SLC19A1: variants seen among roughly 807,000 people sequenced by gnomAD.
SLC19A1 encodes solute carrier family 19 member 1, also known as reduced folate transporter.
In SLC19A1, 37 loss-of-function variants were observed where a neutral mutation model predicts 35.3. The ratio of observed to expected loss-of-function variants is 1.05; its 90% CI spans 0.81 to 1.38. The LOEUF is 1.38. Among genes scored for constraint, SLC19A1 ranks in the 40% most tolerant of loss-of-function variants. The probability of loss-of-function intolerance (pLI) is 0.00; values close to 1 mark genes in which losing one functional copy is unlikely to be tolerated. For synonymous variants in SLC19A1, 460 were observed against 398.5 expected (o/e 1.15, Z -1.84); for missense variants, 831 against 826.9 (o/e 1.00, Z -0.06).
chr21:45,509,474 C>T, downstream of SLC19A1: 1 of 1,528,188 alleles, frequency 6.5e-7, no homozygotes, highest in Non-Finnish European at 8.8e-7. Flanking sequence ...GACATCCTGG[C>T]CAGCCCCCCT....
At chr21:45,536,186 C>T (rs116601451) in intron 2 of SLC19A1, 57 of 157,882 alleles carry the variant, frequency 3.6e-4, no homozygotes, top group African/African-American at 1.4e-3. Flanking sequence ...TATCCAAGGC[C>T]TGGTGGAATG....
At position 45,537,866 on chromosome 21, in the gene SLC19A1, G is replaced by C; in HGVS notation, c.94C>G (p.Leu32Val). The change falls in exon 2 of 6, where the codon CTT becomes GTT. Residue 32 changes from leucine to valine, a missense_variant. By Grantham distance (32) the Leu-to-Val change is conservative. Coordinates refer to ENST00000311124, the MANE Select transcript of SLC19A1 (RefSeq NM_194255.4). ...LRSWRHLVCY[L>V]CFYGFMAQIR... ...TGCGCCATGAAGCCGTAGAAGCAAA[G>C]GTAGCACACGAGGTGCCGCCAGGAC... 1.2e-6 allele frequency: 2 copies of C among 1,607,376 alleles called. No individual in the cohort carries two copies. The highest frequency in any genetic ancestry group is 1.1e-5 in the South Asian group (1 of 90,080).
intron 5 of SLC19A1, 45 bp from the exon 6 acceptor site, chr21:45,516,185 G>T: frequency 1.3e-6 from 2 of 1,486,956 alleles, no homozygotes; most frequent in Non-Finnish European, 1.9e-6. Flanking sequence ...GGCCTGGCTG[G>T]GACACTGGCA....
rs1971320111 is a variant in SLC19A1, at chr21:45,512,642, C to T, written c.*3016G>A. On this transcript the variant is annotated 3_prime_UTR_variant, in exon 6 of 6. Coordinates refer to ENST00000311124, the MANE Select transcript of SLC19A1 (RefSeq NM_194255.4). ...CCAACTCTCCCCTGACCTGTGAGCC[C>T]AGCTGGGTCAGGCAGGGTGCAGTAT... 5.3e-6 allele frequency: 3 copies of T among 571,412 alleles called. No individual in the cohort carries two copies. Among genetic ancestry groups the T allele is most frequent in the Non-Finnish European group, 9.4e-6 (3 of 319,524 alleles). The allele number at this position is 571,412 out of a possible 1,614,324, so 35.4% of individuals were successfully genotyped here. A position where few individuals can be genotyped will look rare whatever the true frequency, so the allele number is the denominator to read the frequency against.
At chr21:45,538,998 GCAAGGGCACGTCT>G (rs749677249) in intron 1 of SLC19A1, among the ~76,000 whole-genome samples, 3 of 152,192 alleles carry the variant, frequency 2.0e-5, no homozygotes, top group Non-Finnish European at 4.4e-5. Context: ...TCCGGTGCGG[GCAAGGGCACGTCT>G]CACCACCACA....
chr21:45,511,970 G>A (rs536842780), downstream of SLC19A1, among the ~76,000 whole-genome samples: 4 of 152,218 alleles, frequency 2.6e-5, no homozygotes, highest in South Asian at 8.3e-4. Flanking sequence ...CCGTGGGTGT[G>A]TCTGGCAGAA....
chr21:45,504,321 CT>C (rs1416889867), intron 3 of SLC19A1: 2 of 1,321,556 alleles, frequency 1.5e-6, no homozygotes, highest in Non-Finnish European at 2.1e-6. Context: ...GCTCCGGAAG[CT>C]TCTGACTGCC....
At position 45,537,921 on chromosome 21, in the gene SLC19A1, G is replaced by C. The variant is rs757569237; in HGVS notation, c.39C>G (p.Pro13=). ...GCTCGGGGTCAGGCCCAGGTTCCAC[G>C]GGCACCTGCTTCTCCACCGCTGGGC... The part of the protein sequence containing the change: ...PSSPAVEKQV[P]VEPGPDPELR... The change falls in exon 2 of 6, where the codon CCC becomes CCG. Residue 13 remains proline, a synonymous_variant. Coordinates refer to ENST00000311124, the MANE Select transcript of SLC19A1 (RefSeq NM_194255.4). 1 of 1,589,808 alleles carries C rather than the reference G, an allele frequency of 6.3e-7. No homozygotes were observed. Among genetic ancestry groups the C allele is most frequent in the Non-Finnish European group, 8.5e-7 (1 of 1,172,176 alleles).
downstream of SLC19A1, among the ~76,000 whole-genome samples, chr21:45,510,845 G>A (rs1049713031): frequency 6.6e-6 from 1 of 152,068 alleles, no homozygotes; most frequent in Admixed American, 6.5e-5. Context: ...GGCCTCTTGG[G>A]GTCTGCAGAG....
At chr21:45,510,007 G>C (rs548557308), downstream of SLC19A1, 130 of 1,522,064 alleles carry the variant, frequency 8.5e-5, no homozygotes, top group South Asian at 1.5e-3. Flanking sequence ...TGCGCCCGGG[G>C]CCTGGGTGCA....
In SLC19A1 at chr21:45,530,657, C is replaced by A; in HGVS notation, c.1151+113G>T. On this transcript the variant is annotated intron_variant, in intron 4 of 5. Coordinates refer to ENST00000311124, the MANE Select transcript of SLC19A1 (RefSeq NM_194255.4). This position sits in a 1 kb window ranked among gnomAD's most constrained non-coding sequence, Gnocchi z 5.3. ...GGTCAGCTCCAGGTGGCTGGCGGGG[C>A]CAGCAGTGGCACAGCCGCTGGGGCG... is the stretch of plus-strand genomic sequence containing the variant. 8.7e-7 allele frequency: 1 copy of A among 1,149,014 alleles called. No homozygotes were observed. The highest frequency in any genetic ancestry group is 1.2e-6 in the Non-Finnish European group (1 of 817,278). The allele number at this position is 1,149,014 out of a possible 1,614,324, so 71.2% of individuals were successfully genotyped here. A position where few individuals can be genotyped will look rare whatever the true frequency, so the allele number is the denominator to read the frequency against.
rs975960079 is a variant in SLC19A1 at position 45,531,601 on chromosome 21, C to A, written c.737G>T (p.Cys246Phe). ...GKLGHALRVACGDSVLARMLR... is the reference protein window; with the variant it reads ...GKLGHALRVAFGDSVLARMLR... ...CATCCGCGCCAGCACTGAGTCCCCA[C>A]AGGCCACCCGCAGGGCGTGTCCCAG... The change falls in exon 3 of 6, where the codon TGT becomes TTT. Residue 246 changes from cysteine (C) to phenylalanine (F), a missense_variant. By Grantham distance (205) the Cys-to-Phe change is radical. Coordinates refer to ENST00000311124, the MANE Select transcript of SLC19A1 (RefSeq NM_194255.4). The A allele has an allele frequency of 1.9e-6, 3 of 1,612,374 alleles. No individual in the cohort carries two copies. Among genetic ancestry groups the A allele is most frequent in the Non-Finnish European group, 2.5e-6 (3 of 1,179,768 alleles).
Position 45,531,866 on chromosome 21 carries a change from C to A in SLC19A1, c.472G>T (p.Ala158Ser), listed in dbSNP as rs767351055. 6.3e-7 allele frequency: 1 copy of A among 1,584,558 alleles called. No individual in the cohort carries two copies. The highest frequency in any genetic ancestry group is 1.1e-5 in the South Asian group (1 of 88,044). ...RYQRVAGYSR[A>S]AVLLGVFTSS... ...GTGAACACGCCCAGCAGCACCGCAG[C>A]GCGCGAGTAGCCGGCCACACGCTGG... is the stretch of plus-strand genomic sequence containing the variant. The change falls in exon 3 of 6, where the codon GCT becomes TCT. Residue 158 changes from alanine (A) to serine (S), a missense_variant. Coordinates refer to ENST00000311124, the MANE Select transcript of SLC19A1 (RefSeq NM_194255.4).
chr21:45,509,210 C>G, downstream of SLC19A1: 1 of 1,122,984 alleles, frequency 8.9e-7, no homozygotes, highest in East Asian at 2.6e-5. Flanking sequence ...CCTACACCCC[C>G]AGGGCAGCCC....
In SLC19A1 at chr21:45,550,682, C is replaced by T. The variant is rs149501540; in HGVS notation, c.-50+12060G>A. Among the ~76,000 whole-genome samples, 717 of 152,316 alleles carry T rather than the reference C, an allele frequency of 4.7e-3. 21 individuals carry two copies. The highest frequency in any genetic ancestry group is 0.044 in the Admixed American group (667 of 15,296). On this transcript the variant is annotated intron_variant, in intron 1 of 5. Transcript: ENST00000650808. ...CCGTGGTTTTGTTGCATGCAGATTT[C>T]GTCGTCTTCTTCTGAATGTTTCAGT...
At chr21:45,510,936 AAAAC>A (rs1431222955), downstream of SLC19A1, among the ~76,000 whole-genome samples, 6 of 92,660 alleles carry the variant, frequency 6.5e-5, no homozygotes, top group Non-Finnish European at 1.1e-4. Context: ...ACCCCCCAAA[AAAAC>A]ACACACCCAC....
At chr21:45,551,441 C>T (rs1022983717) in intron 1 of SLC19A1, among the ~76,000 whole-genome samples, 5 of 152,154 alleles carry the variant, frequency 3.3e-5, no homozygotes, top group Admixed American at 6.5e-5. Flanking sequence ...ATTCCTCTCA[C>T]GGGGCACCTT....
At chr21:45,552,817 C>A (rs952895808) in intron 1 of SLC19A1, among the ~76,000 whole-genome samples, 1 of 151,848 alleles carries the variant, frequency 6.6e-6, no homozygotes, top group Non-Finnish European at 1.5e-5. Flanking sequence ...TCCGCCCGTC[C>A]ACCCTGTCCC....
intron 1 of SLC19A1, among the ~76,000 whole-genome samples, chr21:45,553,655 GC>G (rs1161472241): frequency 2.5e-4 from 1 of 4,022 alleles, no homozygotes; most frequent in Non-Finnish European, 4.5e-4. Flanking sequence ...GTCCCCCCGC[GC>G]CCCCTTCCCA....
Sources: allele counts gnomAD v4.1 joint callset (sites outside exome capture counted in the v4.1 genomes callset), GRCh38; gene constraint gnomAD v4.1.1; non-coding constraint Gnocchi (gnomAD v3.1); transcripts MANE v1.5; gene names NCBI Gene and HGNC (gene_info 2026-07-23, HGNC 2026-07-21).